The following HIVEP1 variants were observed in gnomAD, a reference collection of about 807,000 sequenced individuals.
HIVEP1 encodes the protein HIVEP zinc finger 1, also known as zinc finger protein 40.
In HIVEP1, 36 loss-of-function variants were observed where a neutral mutation model predicts 180.0. That is an observed-to-expected ratio of 0.20 (90% CI 0.15 to 0.26). The LOEUF (loss-of-function observed/expected upper bound fraction) is 0.26, where lower values mean the gene tolerates loss of function less well. Among genes scored for constraint, HIVEP1 ranks in the 10% least tolerant of loss-of-function variants. The pLI is 1.00. For missense variants in HIVEP1, 3,143 were observed against 3,268.7 expected (o/e 0.96, Z 0.94); for synonymous variants, 1,239 against 1,239.0 (o/e 1.00, Z 0.00).
In HIVEP1 at chr6:12,124,351, A is replaced by G. The variant is rs201433622; in HGVS notation, c.4556A>G (p.His1519Arg). 7.5e-5 allele frequency: 121 copies of G among 1,614,106 alleles called. No individual in the cohort carries two copies. The African/African-American group carries it at 1.4e-3, about 19-fold the overall frequency. ...LCDINLLNQI[H>R]APPSHQSTQL... is the part of the protein sequence containing the mutation. ...GATATCAATTTGTTAAATCAAATCC[A>G]TGCACCGCCTAGCCACCAGAGCACA... The change falls in exon 4 of 9, where the codon CAT (histidine) becomes CGT (arginine). Residue 1519 changes from histidine to arginine, a missense_variant. By Grantham distance (29) the His-to-Arg change is conservative. This residue lies in a region of HIVEP1 where 1,357 missense variants were observed against 1,260.5 expected (regional missense o/e 1.08). Transcript: ENST00000379388.
intron 3 of HIVEP1, among the ~76,000 whole-genome samples, chr6:12,097,400 T>A (rs1165504594): frequency 1.3e-5 from 2 of 151,966 alleles, no homozygotes; most frequent in Admixed American, 1.3e-4. Flanking sequence ...ACCCAGCTCT[T>A]ACCCAAATCA....
At chr6:12,205,480 A>C in the HIVEP1 span, among the ~76,000 whole-genome samples, 1 of 151,952 alleles carries the variant, frequency 6.6e-6, no homozygotes, top group Admixed American at 6.5e-5. Flanking sequence ...CAAAAAAAAA[A>C]AAAATTTGAA....
At chr6:12,188,549 G>A in the HIVEP1 span, among the ~76,000 whole-genome samples, 2 of 152,032 alleles carry the variant, frequency 1.3e-5, no homozygotes, top group African/African-American at 2.4e-5. Context: ...GATAAGATAC[G>A]AAGCTAATAT....
At chr6:12,168,964 T>G (rs1201583173), downstream of HIVEP1, among the ~76,000 whole-genome samples, 1 of 142,722 alleles carries the variant, frequency 7.0e-6, no homozygotes, top group Non-Finnish European at 1.6e-5. Flanking sequence ...CTCAGCTCAG[T>G]GCAACCTCTG....
chr6:12,140,990 C>G (rs1758990074), intron 7 of HIVEP1, among the ~76,000 whole-genome samples: 1 of 152,072 alleles, frequency 6.6e-6, no homozygotes, highest in South Asian at 2.1e-4. Context: ...CAAGGCAGGC[C>G]AATATTCAAA....
At chr6:12,015,794 C>T (rs899824788) in intron 2 of HIVEP1, 126 bp downstream of exon 2, 21 of 761,820 alleles carry the variant, frequency 2.8e-5, no homozygotes, top group Non-Finnish European at 3.6e-5. Flanking sequence ...ATTTCTCTTG[C>T]TCATTTCCAG....
At chr6:12,038,678 G>GACAACAACA (rs141462262) in intron 2 of HIVEP1, 1 of 151,700 alleles carries the variant, frequency 6.6e-6, no homozygotes, top group Non-Finnish European at 1.5e-5. Context: ...TCTCAACAAC[G>GACAACAACA]ACAACAACAA....
intron 3 of HIVEP1, 132 bp downstream of exon 3, chr6:12,089,369 G>GTGGACTTTGCTTCATGAA (rs2113330196): frequency 1.9e-6 from 1 of 513,100 alleles, no homozygotes; most frequent in Admixed American, 3.6e-5. Context: ...TGAACTTATT[G>GTGGACTTTGCTTCATGAA]ATACTTAAAA....
At chr6:12,041,906 G>A (rs571033895) in intron 2 of HIVEP1, among the ~76,000 whole-genome samples, 22 of 151,882 alleles carry the variant, frequency 1.4e-4, no homozygotes, top group Admixed American at 5.2e-4. Flanking sequence ...TGATCCGCCC[G>A]CCTTGGCCTC....
Position 12,161,742 on chromosome 6 carries a change from A to G in HIVEP1, c.6791A>G (p.Gln2264Arg). The change falls in exon 8 of 9, where the codon CAG (glutamine) becomes CGG (arginine). Residue 2264 changes from glutamine (Q) to arginine (R), a missense_variant. By Grantham distance (43) the Gln-to-Arg change is conservative. Transcript: ENST00000379388. ...LTRMTVLSTA[Q>R]SDYNRKTLSP... ...AGAATGACTGTCCTGAGCACAGCACAGTCTGACTACAATAGGAAGACACTC... is the reference window on the plus strand; with the variant it reads ...AGAATGACTGTCCTGAGCACAGCACGGTCTGACTACAATAGGAAGACACTC... 1 of 1,614,184 alleles carries G rather than the reference A, an allele frequency of 6.2e-7. No individual in the cohort carries two copies.
intron 2 of HIVEP1, among the ~76,000 whole-genome samples, chr6:12,030,245 T>G (rs1331002600): frequency 6.6e-6 from 1 of 152,178 alleles, no homozygotes; most frequent in Non-Finnish European, 1.5e-5. Flanking sequence ...CCAATTTGAA[T>G]GTGATGTGCT....
chr6:12,080,901 C>G (rs753617255), intron 2 of HIVEP1, among the ~76,000 whole-genome samples: 1 of 152,098 alleles, frequency 6.6e-6, no homozygotes, highest in African/African-American at 2.4e-5. Flanking sequence ...TCTACTTTGT[C>G]CATAACCACT....
intron 2 of HIVEP1, among the ~76,000 whole-genome samples, chr6:12,027,331 G>A (rs1363190353): frequency 6.6e-6 from 1 of 152,164 alleles, no homozygotes; most frequent in Non-Finnish European, 1.5e-5. Context: ...CAAGCATAAG[G>A]GAATTCACAT....
intron 7 of HIVEP1, among the ~76,000 whole-genome samples, chr6:12,136,997 A>G (rs1758741892): frequency 6.6e-6 from 1 of 152,242 alleles, no homozygotes; most frequent in Non-Finnish European, 1.5e-5. Flanking sequence ...AAAATTTCCA[A>G]AGAGAAAGTG....
chr6:12,150,916 A>G (rs112198406), intron 7 of HIVEP1, among the ~76,000 whole-genome samples: 6 of 152,146 alleles, frequency 3.9e-5, no homozygotes, highest in Non-Finnish European at 7.3e-5. Flanking sequence ...TTCAACAACA[A>G]AAGAAGGTTG....
downstream of HIVEP1, among the ~76,000 whole-genome samples, chr6:12,169,916 A>C (rs537769942): frequency 2.8e-3 from 428 of 152,112 alleles, 4 homozygotes; most frequent in Non-Finnish European, 3.9e-3. Context: ...GTCAGGAGAT[A>C]GAGACCATCC....
chr6:12,013,349 C>T (rs536301810), intron 1 of HIVEP1, among the ~76,000 whole-genome samples: 2 of 152,272 alleles, frequency 1.3e-5, no homozygotes, highest in African/African-American at 4.8e-5. Flanking sequence ...CATGTTTTTG[C>T]TCCATGTAGT....
chr6:12,144,904 G>A (rs910534022), intron 7 of HIVEP1, among the ~76,000 whole-genome samples: 3 of 152,166 alleles, frequency 2.0e-5, no homozygotes, highest in African/African-American at 7.2e-5. Flanking sequence ...AAATCGGAAC[G>A]CTTTTACACT....
the HIVEP1 span, among the ~76,000 whole-genome samples, chr6:12,195,030 A>G: frequency 1.3e-5 from 2 of 152,232 alleles, no homozygotes; most frequent in East Asian, 3.8e-4. Context: ...TCTTCAAACT[A>G]GAAAAGAGAG....
Sources: allele counts gnomAD v4.1 joint callset (sites outside exome capture counted in the v4.1 genomes callset), GRCh38; gene constraint gnomAD v4.1.1; regional missense constraint gnomAD v4.1.1; transcripts MANE v1.5; gene names NCBI Gene and HGNC (gene_info 2026-07-23, HGNC 2026-07-21).